Variants in RNF145 observed in about 807,000 individuals in gnomAD.
The protein encoded by RNF145 is ring finger protein 145.
Under a neutral mutation model 57.3 loss-of-function variants are expected in RNF145, and 12 were observed. The ratio of observed to expected loss-of-function variants is 0.21; its 90% CI spans 0.13 to 0.34. The LOEUF is 0.34. Among genes scored for constraint, RNF145 ranks in the 10% least tolerant of loss-of-function variants. The pLI is 1.00. For missense variants in RNF145, 429 were observed against 799.0 expected, an observed-to-expected ratio of 0.54 and a Z score of 5.58; for synonymous variants, 262 against 288.3, an observed-to-expected ratio of 0.91 and a Z score of 0.92.
In RNF145 at chr5:159,157,936, G is replaced by A. The variant is rs1455162934; in HGVS notation, c.*734C>T. On this transcript the variant is annotated 3_prime_UTR_variant, in exon 11 of 11. Coordinates refer to ENST00000424310, the MANE Select transcript of RNF145 (RefSeq NM_001199383.2). ...AGTTTTAGTTTACTTCACACAGCCAGCGAAGTATACAACATATTTAACAAA... is the reference window on the plus strand; with the variant it reads ...AGTTTTAGTTTACTTCACACAGCCAACGAAGTATACAACATATTTAACAAA... 6.5e-6 allele frequency: 1 copy of A among 152,752 alleles called. No individual in the cohort carries two copies. Among genetic ancestry groups the A allele is most frequent in the Non-Finnish European group, 1.5e-5 (1 of 68,046 alleles). 9.5% of individuals were successfully genotyped at this position (152,752 alleles called of 1,614,324 possible). A position where few individuals can be genotyped will look rare whatever the true frequency, so the allele number is the denominator to read the frequency against.
At chr5:159,179,795 G>C (rs565483681) in intron 4 of RNF145, among the ~76,000 whole-genome samples, 1 of 152,124 alleles carries the variant, frequency 6.6e-6, no homozygotes, top group South Asian at 2.1e-4. Flanking sequence ...CCACTCTGTA[G>C]AGATTAGTGG....
At chr5:159,195,186 T>A (rs989756986) in intron 2 of RNF145, among the ~76,000 whole-genome samples, 1 of 152,166 alleles carries the variant, frequency 6.6e-6, no homozygotes, top group African/African-American at 2.4e-5. Flanking sequence ...TAATGTCTCT[T>A]TCCAAGGCTG....
intron 5 of RNF145, among the ~76,000 whole-genome samples, chr5:159,175,051 A>C (rs893914511): frequency 6.6e-6 from 1 of 152,200 alleles, no homozygotes; most frequent in Non-Finnish European, 1.5e-5. Context: ...AGAATGTTTC[A>C]ATAAGGTATA....
chr5:159,184,812 C>A (rs1785006848), intron 3 of RNF145, among the ~76,000 whole-genome samples: 1 of 152,050 alleles, frequency 6.6e-6, no homozygotes, highest in African/African-American at 2.4e-5. Context: ...CTTCTCTTAA[C>A]TTTGTAATCC....
At chr5:159,201,827 G>A (rs944682879) in intron 2 of RNF145, among the ~76,000 whole-genome samples, 4 of 152,206 alleles carry the variant, frequency 2.6e-5, no homozygotes, top group African/African-American at 9.6e-5. Flanking sequence ...ATGAGTAACA[G>A]AGATGGGAGG....
At chr5:159,200,907 G>C (rs1405399973) in intron 2 of RNF145, among the ~76,000 whole-genome samples, 1 of 152,108 alleles carries the variant, frequency 6.6e-6, no homozygotes, top group Non-Finnish European at 1.5e-5. Flanking sequence ...ACTACATTGA[G>C]TTAAAAAAAT....
intron 3 of RNF145, among the ~76,000 whole-genome samples, chr5:159,190,231 A>C (rs1044145136): frequency 3.3e-5 from 5 of 152,058 alleles, no homozygotes; most frequent in Non-Finnish European, 7.4e-5. Context: ...AAGGGGTTTC[A>C]CCATGTTGCC....
intron 1 of RNF145, among the ~76,000 whole-genome samples, chr5:159,208,930 G>T (rs1053699567): frequency 6.6e-6 from 1 of 151,472 alleles, no homozygotes; most frequent in Non-Finnish European, 1.5e-5. Flanking sequence ...GGAGGCAGCC[G>T]AGGCCCGGGA....
intron 10 of RNF145, 68 bp downstream of exon 10, chr5:159,161,198 A>T: frequency 1.1e-6 from 1 of 941,656 alleles, no homozygotes; most frequent in Non-Finnish European, 1.6e-6. Flanking sequence ...GAATTTGGTT[A>T]ATATGGTTAC....
intron 3 of RNF145, among the ~76,000 whole-genome samples, chr5:159,187,841 C>G (rs1482506720): frequency 3.3e-5 from 5 of 152,128 alleles, no homozygotes; most frequent in Non-Finnish European, 7.4e-5. Flanking sequence ...TGAGAAAGAG[C>G]AGCCCCAATC....
Position 159,162,872 on chromosome 5 carries a change from C to T in RNF145, c.1269+60G>A, listed in dbSNP as rs376496472. 124 of 1,414,892 alleles carry T rather than the reference C, an allele frequency of 8.8e-5. 4 individuals are homozygous for T. Among genetic ancestry groups the T allele is most frequent in the Admixed American group, 2.6e-4 (11 of 42,692 alleles). 87.6% of individuals were successfully genotyped at this position (1,414,892 alleles called of 1,614,324 possible). Reference sequence around the variant, plus strand: ...TCATCTTGAAAAAATTTAATTCCTCCTCTGGGAGGAAAAATAACAAAATTG... The same window carrying T: ...TCATCTTGAAAAAATTTAATTCCTCTTCTGGGAGGAAAAATAACAAAATTG... On this transcript the variant is annotated intron_variant, in intron 9 of 10. Transcript: ENST00000424310.
At chr5:159,170,277 T>A (rs1341987406) in intron 6 of RNF145, among the ~76,000 whole-genome samples, 1 of 152,196 alleles carries the variant, frequency 6.6e-6, no homozygotes, top group East Asian at 1.9e-4. Context: ...GCAGGGTGTA[T>A]CACTCCTCCT....
intron 5 of RNF145, 111 bp downstream of exon 5, chr5:159,176,521 T>C (rs1341637929): frequency 1.5e-6 from 1 of 680,512 alleles, no homozygotes; most frequent in Non-Finnish European, 2.5e-6. Context: ...GTTTTGAAAC[T>C]GCAAAAATGA....
At chr5:159,165,023 CTTT>C (rs568407639) in intron 8 of RNF145, among the ~76,000 whole-genome samples, 30 of 152,200 alleles carry the variant, frequency 2.0e-4, no homozygotes, top group Admixed American at 1.6e-3. Context: ...TTTTCCTTTC[CTTT>C]TTTAATTCCC....
chr5:159,162,425 C>CTTTTTTTTTT (rs201178143), intron 9 of RNF145, among the ~76,000 whole-genome samples: 8 of 134,588 alleles, frequency 5.9e-5, no homozygotes, highest in South Asian at 2.3e-4. Context: ...GTAATATTTT[C>CTTTTTTTTTT]TTTTTTTTTT....
rs575598959 is a variant in RNF145 at position 159,192,003 on chromosome 5, T to G, written c.293+2713A>C. ...AATACAGTCAGCCCTCCATATTCAC[T>G]GGGTTCCACATCTGTGGATTCAACC... On this transcript the variant is annotated intron_variant, in intron 3 of 10. Transcript: ENST00000424310. Among the ~76,000 whole-genome samples the G allele has an allele frequency of 2.0e-5, 3 of 151,490 alleles. No individual in the cohort carries two copies. The South Asian group carries it at 6.2e-4, about 32-fold the overall frequency.
chr5:159,208,503 C>T (rs1306943771), intron 1 of RNF145, among the ~76,000 whole-genome samples: 1 of 152,026 alleles, frequency 6.6e-6, no homozygotes, highest in Non-Finnish European at 1.5e-5. Flanking sequence ...GAGGAAACCA[C>T]GGGGACAAAA....
In RNF145 at chr5:159,169,037, T is replaced by A. The variant is rs1784467989; in HGVS notation, c.957A>T (p.Val319=). 1.3e-6 allele frequency: 2 copies of A among 1,575,028 alleles called. No individual in the cohort carries two copies. Among genetic ancestry groups the A allele is most frequent in the African/African-American group, 2.7e-5 (2 of 72,884 alleles). ...PAMNRGMTEG[V]TLLILAVQTG... is the part of the protein sequence containing the mutation. ...TCTGCACTGCCAGGATTAACAGCGT[T>A]ACTCCTTCTGTCATGCCCCTAAAAA... The change falls in exon 8 of 11, where the codon GTA becomes GTT. Residue 319 remains valine, a synonymous_variant. Coordinates refer to ENST00000424310, the MANE Select transcript of RNF145 (RefSeq NM_001199383.2).
chr5:159,176,417 C>G (rs1784722761), intron 5 of RNF145, among the ~76,000 whole-genome samples: 3 of 152,094 alleles, frequency 2.0e-5, no homozygotes, highest in Admixed American at 2.0e-4. Context: ...TCAGATAAAT[C>G]TGCTTTAAGA....
Sources: allele counts gnomAD v4.1 joint callset (sites outside exome capture counted in the v4.1 genomes callset), GRCh38; gene constraint gnomAD v4.1.1; transcripts MANE v1.5; gene names NCBI Gene and HGNC (gene_info 2026-07-23, HGNC 2026-07-21).